The following KCNQ1 variants were observed in gnomAD, a reference collection of about 807,000 sequenced individuals.
The protein encoded by KCNQ1 is potassium voltage-gated channel subfamily KQT member 1.
KCNQ1 carries 49 observed loss-of-function variants against 72.4 expected under a neutral mutation model. The ratio of observed to expected loss-of-function variants is 0.68; its 90% CI spans 0.54 to 0.86. KCNQ1 has a LOEUF of 0.86. Ranked by LOEUF, KCNQ1 falls within the 40% of genes least tolerant of loss-of-function variation. The probability of loss-of-function intolerance (pLI) is 0.00; values close to 1 mark genes in which losing one functional copy is unlikely to be tolerated. For synonymous variants in KCNQ1, 450 were observed against 412.6 expected (o/e 1.09, Z -1.10); for missense variants, 790 against 945.1 (o/e 0.84, Z 2.15).
Position 2,544,310 on chromosome 11 carries a change from A to ATACGTATATATG in KCNQ1, c.477+16293_477+16294insACGTATATATGT, listed in dbSNP as rs1564811985. The stretch of plus-strand genomic sequence containing the variant: ...TATATATATGTATATATGTGTATAT[A>ATACGTATATATG]TGTATATATCTATGTATATATATGT... On this transcript the variant is annotated intron_variant, in intron 2 of 15. Transcript: ENST00000155840. The surrounding 1 kb of genome is among the most constrained non-coding windows in gnomAD (Gnocchi z 4.4). Among the ~76,000 whole-genome samples the ATACGTATATATG allele has an allele frequency of 2.0e-5, 2 of 100,312 alleles. No individual in the cohort carries two copies. Among genetic ancestry groups the ATACGTATATATG allele is most frequent in the Non-Finnish European group, 3.9e-5 (2 of 51,586 alleles). The allele number at this position is 100,312 out of a possible 152,430, so 65.8% of individuals were successfully genotyped here.
At chr11:2,545,202 C>T (rs1033040622) in intron 2 of KCNQ1, among the ~76,000 whole-genome samples, 16 of 152,172 alleles carry the variant, frequency 1.1e-4, no homozygotes, top group African/African-American at 3.9e-4. Context: ...TTGCTAACAA[C>T]CTTTGCATCT....
Position 2,661,691 on chromosome 11 carries a change from G to A in KCNQ1, c.1394-270G>A. On this transcript the variant is annotated intron_variant, in intron 10 of 15. Transcript: ENST00000155840. This position sits in a 1 kb window ranked among gnomAD's most constrained non-coding sequence, Gnocchi z 5.9. ...AGAACCTGAGGTGGGGAGAGTCTTG[G>A]ACACCTGAGCACAGCCCCAGGCACA... 3.3e-6 allele frequency: 2 copies of A among 602,028 alleles called. No individual in the cohort carries two copies. The highest frequency in any genetic ancestry group is 1.9e-5 in the African/African-American group (1 of 54,022). 37.3% of individuals were successfully genotyped at this position (602,028 alleles called of 1,614,324 possible).
At position 2,461,705 on chromosome 11, in the gene KCNQ1, C is replaced by A. The variant is rs529718749; in HGVS notation, c.386+16221C>A. 10 of 1,367,072 alleles carry A rather than the reference C, an allele frequency of 7.3e-6. No homozygotes were observed. Among genetic ancestry groups the A allele is most frequent in the Non-Finnish European group, 9.8e-6 (10 of 1,021,930 alleles). 84.7% of individuals were successfully genotyped at this position (1,367,072 alleles called of 1,614,324 possible). A position where few individuals can be genotyped will look rare whatever the true frequency, so the allele number is the denominator to read the frequency against. ...TGTGCTTCCTGAGCCAGTGCGGGGC[C>A]TGGCATGGAGTAGGTACCCCGGGGG... is the stretch of plus-strand genomic sequence containing the variant. On this transcript the variant is annotated intron_variant, in intron 1 of 15. Transcript: ENST00000155840.
At position 2,673,496 on chromosome 11, in the gene KCNQ1, C is replaced by G. The variant is rs1850226831; in HGVS notation, c.1514+11415C>G. On this transcript the variant is annotated intron_variant, in intron 11 of 15. Transcript: ENST00000155840. The surrounding 1 kb of genome is among the most constrained non-coding windows in gnomAD (Gnocchi z 4.5). The stretch of plus-strand genomic sequence containing the variant: ...AAGCCATACAGACTCCTGCTCATCA[C>G]AACCACTTGTTGATGCTGACAGCCT... 1 of 398,548 alleles carries G rather than the reference C, an allele frequency of 2.5e-6. No individual in the cohort carries two copies. 24.7% of individuals were successfully genotyped at this position (398,548 alleles called of 1,614,324 possible).
chr11:2,758,357 C>T (rs1484121200), intron 11 of KCNQ1, among the ~76,000 whole-genome samples: 6 of 152,190 alleles, frequency 3.9e-5, no homozygotes, highest in African/African-American at 1.4e-4. Flanking sequence ...AGTGAGCGGT[C>T]ACTACGCACC....
rs1850704519 is a variant in KCNQ1, at chr11:2,697,826, T to C, written c.1514+35745T>C. ...TCATAAGGGAAATTCTTTATAGTTT[T>C]CTTGTGCTTTCTATCTGAATTTGGA... On this transcript the variant is annotated intron_variant, in intron 11 of 15. Coordinates refer to ENST00000155840, the MANE Select transcript of KCNQ1 (RefSeq NM_000218.3). The C allele has an allele frequency of 1.0e-5, 4 of 398,674 alleles. No individual in the cohort carries two copies. The East Asian group carries it at 1.4e-4, about 14-fold the overall frequency. The allele number at this position is 398,674 out of a possible 1,614,324, so 24.7% of individuals were successfully genotyped here. A position where few individuals can be genotyped will look rare whatever the true frequency, so the allele number is the denominator to read the frequency against.
At position 2,691,147 on chromosome 11, in the gene KCNQ1, GC is replaced by G. The variant is rs1244008950; in HGVS notation, c.1514+29068del. On this transcript the variant is annotated intron_variant, in intron 11 of 15. Coordinates refer to ENST00000155840, the MANE Select transcript of KCNQ1 (RefSeq NM_000218.3). The surrounding 1 kb of genome is among the most constrained non-coding windows in gnomAD (Gnocchi z 6.4). ...CAGACCTGGTGCAGAGTCTGTGCTG[GC>G]CTCTGGCCTCTCACAGCCTTGGGAG... 5.0e-6 allele frequency: 2 copies of G among 398,528 alleles called. No homozygotes were observed. Among genetic ancestry groups the G allele is most frequent in the African/African-American group, 4.1e-5 (2 of 48,626 alleles). The allele number at this position is 398,528 out of a possible 1,614,324, so 24.7% of individuals were successfully genotyped here.
At chr11:2,692,722 G>T (rs1305108018) in intron 11 of KCNQ1, 1 of 398,530 alleles carries the variant, frequency 2.5e-6, no homozygotes, top group Non-Finnish European at 4.4e-6. Context: ...GGGTAGGCAG[G>T]TCCCTGCTCC....
rs749585377 is a variant in KCNQ1, at chr11:2,516,308, G to A, written c.387-11620G>A. 2.0e-5 allele frequency among the ~76,000 whole-genome samples: 3 copies of A among 152,052 alleles called. No individual in the cohort carries two copies. Among genetic ancestry groups the A allele is most frequent in the Non-Finnish European group, 4.4e-5 (3 of 68,028 alleles). ...CAGGCTTCTCATGAAGTTTAGAGGC[G>A]ACAGGAGGAGGTGGGCTTTAAATGG... On this transcript the variant is annotated intron_variant, in intron 1 of 15. Transcript: ENST00000155840. This position sits in a 1 kb window ranked among gnomAD's most constrained non-coding sequence, Gnocchi z 7.0.
At position 2,588,671 on chromosome 11, in the gene KCNQ1, C is replaced by T. The variant is rs200926956; in HGVS notation, c.1252-42C>T. On this transcript the variant is annotated intron_variant, in intron 9 of 15. Coordinates refer to ENST00000155840, the MANE Select transcript of KCNQ1 (RefSeq NM_000218.3). The surrounding 1 kb of genome is among the most constrained non-coding windows in gnomAD (Gnocchi z 5.6). Reference sequence around the variant, plus strand: ...TGGGGCCGGCGTAGGGCCTGGCAGACGATGTCCAGGAACCGCTAATCTGTT... The same window carrying T: ...TGGGGCCGGCGTAGGGCCTGGCAGATGATGTCCAGGAACCGCTAATCTGTT... 1.5e-4 allele frequency: 244 copies of T among 1,610,780 alleles called. 3 individuals are homozygous for T. Among genetic ancestry groups the T allele is most frequent in the Middle Eastern group, 9.8e-4 (5 of 5,084 alleles).
Position 2,543,035 on chromosome 11 carries a change from C to G in KCNQ1, c.477+15017C>G, listed in dbSNP as rs1192604568. On this transcript the variant is annotated intron_variant, in intron 2 of 15. Transcript: ENST00000155840. This position sits in a 1 kb window ranked among gnomAD's most constrained non-coding sequence, Gnocchi z 5.6. Reference sequence around the variant, plus strand: ...CCAGTCTAAGAGGTGTGCGTGGCATCCTGCTGTGGTTTTAACTTTCATTTC... The same window carrying G: ...CCAGTCTAAGAGGTGTGCGTGGCATGCTGCTGTGGTTTTAACTTTCATTTC... Among the ~76,000 whole-genome samples the G allele has an allele frequency of 6.6e-6, 1 of 152,188 alleles. No individual in the cohort carries two copies. Among genetic ancestry groups the G allele is most frequent in the East Asian group, 1.9e-4 (1 of 5,194 alleles).
intron 2 of KCNQ1, among the ~76,000 whole-genome samples, chr11:2,548,332 A>C (rs966247112): frequency 5.3e-5 from 8 of 152,232 alleles, no homozygotes; most frequent in African/African-American, 1.7e-4. Context: ...TCAAAGTCTG[A>C]ATCAAGCGTG....
At chr11:2,829,144 G>GA (rs1368905418) in intron 15 of KCNQ1, among the ~76,000 whole-genome samples, 2 of 151,968 alleles carry the variant, frequency 1.3e-5, no homozygotes, top group Non-Finnish European at 2.9e-5. Context: ...AAAATGAGAG[G>GA]AAAAAACAAA....
chr11:2,726,431 C>T (rs1289711314), intron 11 of KCNQ1, among the ~76,000 whole-genome samples: 1 of 152,132 alleles, frequency 6.6e-6, no homozygotes, highest in Non-Finnish European at 1.5e-5. Flanking sequence ...GGCACAGACA[C>T]AGCTCAGGAG....
intron 13 of KCNQ1, 95 bp from the exon 14 acceptor site, chr11:2,776,891 T>G (rs1446070542): frequency 8.0e-7 from 1 of 1,256,534 alleles, no homozygotes; most frequent in Admixed American, 1.8e-5. Context: ...TCCACTGTCT[T>G]GCCGGGCACG....
intron 15 of KCNQ1, among the ~76,000 whole-genome samples, chr11:2,843,031 A>T (rs1407029499): frequency 2.0e-5 from 3 of 152,194 alleles, no homozygotes; most frequent in Admixed American, 2.0e-4. Flanking sequence ...CGCTCCCGTG[A>T]GGAGGTGCTT....
At chr11:2,756,572 A>G (rs1246351535) in intron 11 of KCNQ1, among the ~76,000 whole-genome samples, 1 of 152,066 alleles carries the variant, frequency 6.6e-6, no homozygotes, top group Non-Finnish European at 1.5e-5. Flanking sequence ...AGACAAGGAT[A>G]CAGTTGGGGT....
chr11:2,667,469 G>A (rs1850098993), intron 11 of KCNQ1: 1 of 398,682 alleles, frequency 2.5e-6, no homozygotes, highest in Non-Finnish European at 4.4e-6. Context: ...AGATGGTGTT[G>A]GAGGATGTGA....
intron 10 of KCNQ1, among the ~76,000 whole-genome samples, chr11:2,591,157 T>C (rs898622110): frequency 6.6e-6 from 1 of 152,224 alleles, no homozygotes; most frequent in Non-Finnish European, 1.5e-5. Context: ...ACCCACAGTG[T>C]TCGCAACCCT....
Sources: allele counts gnomAD v4.1 joint callset (sites outside exome capture counted in the v4.1 genomes callset), GRCh38; gene constraint gnomAD v4.1.1; non-coding constraint Gnocchi (gnomAD v3.1); transcripts MANE v1.5; gene names NCBI Gene and HGNC (gene_info 2026-07-23, HGNC 2026-07-21).